The following WIF1 variants were observed in gnomAD, a reference collection of about 807,000 sequenced individuals.
WIF1 encodes Wnt inhibitory factor 1.
A neutral mutation model predicts 53.5 loss-of-function variants in WIF1; 35 were observed. The ratio of observed to expected loss-of-function variants is 0.65; its 90% CI spans 0.50 to 0.87. WIF1 has a LOEUF of 0.87. WIF1 is among the 40% of genes least tolerant of loss of function. The pLI is 0.00. For synonymous variants in WIF1, 171 were observed against 170.4 expected (o/e 1.00, Z -0.03); for missense variants, 467 against 476.8 (o/e 0.98, Z 0.19).
chr12:65,097,411 T>G (rs963614324), intron 2 of WIF1, among the ~76,000 whole-genome samples: 5 of 152,278 alleles, frequency 3.3e-5, no homozygotes, highest in African/African-American at 1.2e-4. Context: ...AAATCTAGCC[T>G]CTACCGTTCT....
intron 3 of WIF1, among the ~76,000 whole-genome samples, chr12:65,075,966 T>C (rs1446343031): frequency 6.6e-6 from 1 of 152,188 alleles, no homozygotes; most frequent in Non-Finnish European, 1.5e-5. Context: ...AGAAAATATT[T>C]TCTACCTTAA....
intron 2 of WIF1, among the ~76,000 whole-genome samples, chr12:65,109,523 T>C (rs1883398862): frequency 1.3e-5 from 2 of 152,184 alleles, no homozygotes; most frequent in South Asian, 2.1e-4. Context: ...GATTGCTTTA[T>C]TGATGCCACA....
intron 1 of WIF1, 75 bp from the exon 2 acceptor site, chr12:65,120,631 G>T: frequency 1.3e-6 from 2 of 1,515,830 alleles, no homozygotes; most frequent in Non-Finnish European, 8.9e-7. Context: ...CAAGCAAAAA[G>T]AAAACCAAAG....
At chr12:65,094,607 G>A (rs571437547) in intron 2 of WIF1, among the ~76,000 whole-genome samples, 114 of 152,176 alleles carry the variant, frequency 7.5e-4, no homozygotes, top group African/African-American at 2.6e-3. Flanking sequence ...ATCTAAGGGG[G>A]CAACAAAGAA....
chr12:65,056,058 C>G lies in WIF1; in HGVS notation c.895G>C (p.Gly299Arg), dbSNP rs1882520835. 4 of 1,614,126 alleles carry G rather than the reference C, an allele frequency of 2.5e-6. No individual in the cohort carries two copies. The highest frequency in any genetic ancestry group is 1.7e-6 in the Non-Finnish European group (2 of 1,179,996). Residue 299 changes from glycine to arginine, a missense_variant, in exon 8 of 10, where the codon GGT becomes CGT. By Grantham distance (125) the Gly-to-Arg change is moderately radical (BLOSUM62 -2). Coordinates refer to ENST00000286574, the MANE Select transcript of WIF1 (RefSeq NM_007191.5). ...TTTGAACAGAGGTCTCCCTGGTAAC[C>G]TTTGGAACACTTACATTTGCTTTTA... ...IGKSKCKCSK[G>R]YQGDLCSKPV...
chr12:65,066,473 G>T (rs1322222022), intron 6 of WIF1, among the ~76,000 whole-genome samples, 168 bp downstream of exon 6: 3 of 152,038 alleles, frequency 2.0e-5, no homozygotes, highest in Admixed American at 6.6e-5. Context: ...ATAAACTTTT[G>T]CTATTATGCT....
At chr12:65,088,587 G>A (rs1446276877) in intron 2 of WIF1, among the ~76,000 whole-genome samples, 4 of 152,046 alleles carry the variant, frequency 2.6e-5, no homozygotes, top group African/African-American at 9.7e-5. Flanking sequence ...TCTCATAAAA[G>A]GTTACTGATG....
intron 4 of WIF1, 116 bp downstream of exon 4, chr12:65,068,648 C>CGTGTGTGT (rs1565750846): frequency 1.6e-5 from 18 of 1,103,148 alleles, no homozygotes; most frequent in African/African-American, 1.1e-4. Context: ...TCCAAAAAAC[C>CGTGTGTGT]ATGTGTGTGT....
chr12:65,064,906 C>T (rs778269266), intron 6 of WIF1, among the ~76,000 whole-genome samples: 138 of 152,136 alleles, frequency 9.1e-4, no homozygotes, highest in Non-Finnish European at 1.4e-3. Context: ...AGTTCTTCAA[C>T]TAAATCTGGA....
intron 2 of WIF1, among the ~76,000 whole-genome samples, chr12:65,095,129 A>G (rs1306011467): frequency 4.7e-5 from 7 of 149,184 alleles, no homozygotes; most frequent in African/African-American, 1.7e-4. Context: ...TTGTAGAGGC[A>G]GGGTCTTACT....
intron 2 of WIF1, among the ~76,000 whole-genome samples, chr12:65,100,336 A>T (rs1260498321): frequency 2.0e-5 from 3 of 152,148 alleles, no homozygotes; most frequent in Non-Finnish European, 4.4e-5. Context: ...CCACTTACTG[A>T]TCCCCCACTG....
chr12:65,077,371 A>G (rs922306133), intron 3 of WIF1, among the ~76,000 whole-genome samples: 35 of 6,830 alleles, frequency 5.1e-3, no homozygotes, highest in African/African-American at 9.0e-3. Flanking sequence ...GACTTATCCC[A>G]TTTGCCCCCA....
chr12:65,097,223 G>A (rs1393515013), intron 2 of WIF1, among the ~76,000 whole-genome samples: 1 of 151,434 alleles, frequency 6.6e-6, no homozygotes, highest in Non-Finnish European at 1.5e-5. Flanking sequence ...TTGTTTTCAT[G>A]GCTTTATTAA....
intron 2 of WIF1, among the ~76,000 whole-genome samples, chr12:65,087,767 C>G (rs756029766): frequency 9.9e-5 from 15 of 152,052 alleles, no homozygotes; most frequent in Middle Eastern, 6.8e-3. Flanking sequence ...TTTCAGAATA[C>G]TATATTACAA....
chr12:65,085,908 G>A (rs1013743477), intron 2 of WIF1, among the ~76,000 whole-genome samples: 9 of 152,086 alleles, frequency 5.9e-5, no homozygotes, highest in Non-Finnish European at 1.3e-4. Flanking sequence ...CTAGAGTTTG[G>A]AATCACCACT....
Position 65,077,788 on chromosome 12 carries a change from C to A in WIF1, c.355G>T (p.Val119Phe), listed in dbSNP as rs575603863. ...ACTGTTCCCAGCAGAGGGACATTGA[C>A]GGTTGGATCTGCCATGATGCCTTTA... ...LDKGIMADPT[V>F]NVPLLGTVPH... Residue 119 changes from valine (V) to phenylalanine (F), a missense_variant, in exon 3 of 10, where the codon GTC becomes TTC. Physicochemically the swap from Val to Phe is conservative, Grantham distance 50. Coordinates refer to ENST00000286574, the MANE Select transcript of WIF1 (RefSeq NM_007191.5). 6.2e-7 allele frequency: 1 copy of A among 1,613,932 alleles called. No homozygotes were observed. Among genetic ancestry groups the A allele is most frequent in the Middle Eastern group, 1.7e-4 (1 of 6,060 alleles).
At chr12:65,052,903 T>C (rs1882462651) in intron 9 of WIF1, among the ~76,000 whole-genome samples, 1 of 152,148 alleles carries the variant, frequency 6.6e-6, no homozygotes, top group African/African-American at 2.4e-5. Flanking sequence ...GCCCTTGTGC[T>C]CCCCTCTTCA....
At chr12:65,117,524 A>G (rs1440151623) in intron 2 of WIF1, among the ~76,000 whole-genome samples, 1 of 152,114 alleles carries the variant, frequency 6.6e-6, no homozygotes, top group African/African-American at 2.4e-5. Context: ...TGTGGAAGAC[A>G]TTTTTTCCAT....
At chr12:65,073,673 A>G (rs1392146977) in intron 3 of WIF1, among the ~76,000 whole-genome samples, 1 of 152,176 alleles carries the variant, frequency 6.6e-6, no homozygotes, top group Non-Finnish European at 1.5e-5. Flanking sequence ...AGAATAATGA[A>G]TGCTACCTGG....
Sources: allele counts gnomAD v4.1 joint callset (sites outside exome capture counted in the v4.1 genomes callset), GRCh38; gene constraint gnomAD v4.1.1; transcripts MANE v1.5; gene names NCBI Gene and HGNC (gene_info 2026-07-23, HGNC 2026-07-21).